The following C13orf42 variants were observed in gnomAD, a reference collection of about 807,000 sequenced individuals.
C13orf42 encodes uncharacterized protein C13orf42.
chr13:51,096,355 T>C (rs1953234463), intron 1 of C13orf42, among the ~76,000 whole-genome samples: 1 of 152,312 alleles, frequency 6.6e-6, no homozygotes, highest in Middle Eastern at 3.4e-3. Flanking sequence ...GCAGGCGCTG[T>C]GTCCCTGGGG....
chr13:51,156,399 C>T lies in C13orf42; in HGVS notation n.136+15854G>A, dbSNP rs146755067. Among the ~76,000 whole-genome samples the T allele has an allele frequency of 1.9e-3, 293 of 152,284 alleles. 2 individuals carry two copies. Among genetic ancestry groups the T allele is most frequent in the African/African-American group, 6.8e-3 (282 of 41,554 alleles). On this transcript the variant is annotated intron_variant and non_coding_transcript_variant, in intron 1 of 4. Coordinates refer to the C13orf42 transcript ENST00000433280. ...GATTAACTCAAATAACTCTGTGATA[C>T]ATAGCTGCCACTACGCCCTTTCCTG... is the stretch of plus-strand genomic sequence containing the variant.
chr13:51,163,265 T>C (rs1228949682), intron 1 of C13orf42, among the ~76,000 whole-genome samples: 2 of 152,156 alleles, frequency 1.3e-5, no homozygotes, highest in East Asian at 1.9e-4. Flanking sequence ...ATCATTCACG[T>C]ATGCCTTTAA....
intron 1 of C13orf42, among the ~76,000 whole-genome samples, chr13:51,099,461 TAAG>T (rs1034208637): frequency 5.3e-5 from 8 of 152,092 alleles, no homozygotes; most frequent in African/African-American, 1.7e-4. Context: ...GAGATAAAAA[TAAG>T]AAGTTTGTCA....
intron 1 of C13orf42, among the ~76,000 whole-genome samples, chr13:51,117,150 AGGACGTCATT>A (rs1953498508): frequency 6.6e-6 from 1 of 152,268 alleles, no homozygotes; most frequent in Non-Finnish European, 1.5e-5. Context: ...GGAAGTAAGG[AGGACGTCATT>A]GGACAGCAGC....
At chr13:51,135,195 C>A (rs139295460) in intron 1 of C13orf42, among the ~76,000 whole-genome samples, 12 of 152,282 alleles carry the variant, frequency 7.9e-5, no homozygotes, top group Non-Finnish European at 1.6e-4. Flanking sequence ...TGTGAGAGTA[C>A]AAGAGGTTCT....
At chr13:51,171,958 A>G (rs1953957269) in intron 1 of C13orf42, 1 of 152,138 alleles carries the variant, frequency 6.6e-6, no homozygotes. Context: ...CTGGCCCTCA[A>G]ACCCCACAAC....
chr13:51,106,607 A>G (rs1362040676), intron 1 of C13orf42, among the ~76,000 whole-genome samples: 1 of 152,166 alleles, frequency 6.6e-6, no homozygotes, highest in Non-Finnish European at 1.5e-5. Context: ...AATAGCCAAC[A>G]GGTCAGGTTT....
At chr13:51,135,255 GGAGA>G (rs1953648572) in intron 1 of C13orf42, among the ~76,000 whole-genome samples, 1 of 152,188 alleles carries the variant, frequency 6.6e-6, no homozygotes, top group African/African-American at 2.4e-5. Flanking sequence ...CCAGGAGCCT[GGAGA>G]GAGACCAGGT....
intron 1 of C13orf42, among the ~76,000 whole-genome samples, chr13:51,122,867 T>C (rs1021283917): frequency 1.3e-5 from 2 of 152,222 alleles, no homozygotes; most frequent in Non-Finnish European, 2.9e-5. Context: ...CACCCACTGT[T>C]ATTCTATCCT....
intron 1 of C13orf42, among the ~76,000 whole-genome samples, chr13:51,153,541 ACT>A (rs943912856): frequency 4.0e-5 from 6 of 149,864 alleles, no homozygotes; most frequent in African/African-American, 1.5e-4. Flanking sequence ...ACATAAAATT[ACT>A]CTCTTAACCA....
At chr13:51,107,297 T>G (rs1953368589) in intron 1 of C13orf42, among the ~76,000 whole-genome samples, 1 of 152,182 alleles carries the variant, frequency 6.6e-6, no homozygotes, top group Non-Finnish European at 1.5e-5. Flanking sequence ...CAAGTTACTG[T>G]GTCATGACAA....
At chr13:51,142,321 T>C (rs938245390) in intron 1 of C13orf42, among the ~76,000 whole-genome samples, 1 of 152,244 alleles carries the variant, frequency 6.6e-6, no homozygotes, top group African/African-American at 2.4e-5. Flanking sequence ...TTGGAAGTTA[T>C]GAGAAAGATG....
At chr13:51,108,973 A>G (rs1470995573) in intron 1 of C13orf42, among the ~76,000 whole-genome samples, 1 of 152,172 alleles carries the variant, frequency 6.6e-6, no homozygotes, top group Admixed American at 6.5e-5. Context: ...TATAAGAGAG[A>G]GCTCCATTTG....
intron 1 of C13orf42, among the ~76,000 whole-genome samples, chr13:51,110,545 T>A (rs989717221): frequency 2.0e-5 from 3 of 152,182 alleles, no homozygotes; most frequent in Non-Finnish European, 2.9e-5. Flanking sequence ...TTTACCTATA[T>A]AACAAACCTG....
chr13:51,164,584 C>G (rs1225000923), intron 1 of C13orf42, among the ~76,000 whole-genome samples: 2 of 152,152 alleles, frequency 1.3e-5, no homozygotes, highest in Admixed American at 1.3e-4. Context: ...TCCTTGAACC[C>G]AGGAGTTCAA....
At chr13:51,168,051 T>G (rs886536401) in intron 1 of C13orf42, among the ~76,000 whole-genome samples, 1 of 152,212 alleles carries the variant, frequency 6.6e-6, no homozygotes, top group Non-Finnish European at 1.5e-5. Context: ...AACACAGCCT[T>G]CCTGATAGAC....
Position 51,165,298 on chromosome 13 carries a change from C to T in C13orf42, n.136+6955G>A, listed in dbSNP as rs145299603. ...TTTTTCAGTTAAAGTAGCCACTCTT[C>T]TTCTAGCCCCTTCAGGCTCTCCACT... On this transcript the variant is annotated intron_variant and non_coding_transcript_variant, in intron 1 of 4. Transcript: ENST00000433280. Among the ~76,000 whole-genome samples, 13 of 152,370 alleles carry T rather than the reference C, an allele frequency of 8.5e-5. No homozygotes were observed. In the East Asian group the frequency reaches 2.5e-3, roughly 29 times the overall value.
At chr13:51,149,003 T>C (rs1209658857) in intron 1 of C13orf42, among the ~76,000 whole-genome samples, 1 of 152,172 alleles carries the variant, frequency 6.6e-6, no homozygotes, top group South Asian at 2.1e-4. Flanking sequence ...TCTTTCTGAC[T>C]GCCCACCTCC....
chr13:51,119,602 A>G (rs1372957041), intron 1 of C13orf42, among the ~76,000 whole-genome samples: 1 of 152,234 alleles, frequency 6.6e-6, no homozygotes, highest in Non-Finnish European at 1.5e-5. Context: ...GACACACCCT[A>G]CAGCATGGAT....
Sources: gnomAD v4.1 joint callset for allele counts (sites outside exome capture counted in the v4.1 genomes callset) on GRCh38, gnomAD v4.1.1 for gene constraint, MANE v1.5 for transcripts, NCBI Gene and HGNC (gene_info 2026-07-23, HGNC 2026-07-21) for gene names.